The following HTR7 variants were observed in gnomAD, a reference collection of about 807,000 sequenced individuals.
HTR7 encodes the protein 5-hydroxytryptamine receptor 7, also known as 5-HT-7.
In HTR7, 16 loss-of-function variants were observed where a neutral mutation model predicts 34.0. The observed-to-expected ratio is 0.47, with a 90% CI of 0.32 to 0.71. The LOEUF is 0.71. HTR7 is among the 30% of genes least tolerant of loss of function. The pLI, the probability that HTR7 is intolerant of heterozygous loss-of-function variation, is 0.04. For missense variants in HTR7, 504 were observed against 625.5 expected (o/e 0.81, Z 2.07); for synonymous variants, 265 against 260.2 (o/e 1.02, Z -0.18).
chr10:90,842,850 GC>G (rs1846350792), intron 1 of HTR7, among the ~76,000 whole-genome samples: 1 of 152,114 alleles, frequency 6.6e-6, no homozygotes, highest in South Asian at 2.1e-4. Context: ...ATCACTGGCA[GC>G]TTTGCTAATG....
intron 1 of HTR7, among the ~76,000 whole-genome samples, chr10:90,848,849 C>T (rs1463076173): frequency 1.3e-5 from 2 of 152,150 alleles, no homozygotes; most frequent in African/African-American, 2.4e-5. Context: ...ATCAGAATCA[C>T]CTGGGAATTT....
intron 1 of HTR7, among the ~76,000 whole-genome samples, chr10:90,762,858 T>C (rs1844961793): frequency 6.6e-6 from 1 of 152,218 alleles, no homozygotes; most frequent in Non-Finnish European, 1.5e-5. Flanking sequence ...CATGTGGATA[T>C]AGTTTTTTCA....
At chr10:90,780,862 G>A (rs1425062238) in intron 1 of HTR7, among the ~76,000 whole-genome samples, 1 of 152,216 alleles carries the variant, frequency 6.6e-6, no homozygotes, top group African/African-American at 2.4e-5. Flanking sequence ...CTAGTGCCTG[G>A]AATGTTGTGG....
At chr10:90,814,122 G>T (rs996502048) in intron 1 of HTR7, among the ~76,000 whole-genome samples, 1 of 152,130 alleles carries the variant, frequency 6.6e-6, no homozygotes, top group Non-Finnish European at 1.5e-5. Context: ...CAAACCTCAG[G>T]TATTTACTCC....
intron 1 of HTR7, among the ~76,000 whole-genome samples, chr10:90,794,300 A>G (rs1845504238): frequency 6.6e-6 from 1 of 152,172 alleles, no homozygotes; most frequent in Non-Finnish European, 1.5e-5. Flanking sequence ...GCGATAAAAA[A>G]TAGCTCCTTC....
intron 1 of HTR7, among the ~76,000 whole-genome samples, chr10:90,848,449 C>T (rs746990513): frequency 1.1e-4 from 17 of 152,062 alleles, no homozygotes; most frequent in Non-Finnish European, 1.8e-4. Flanking sequence ...ATATTTTTGT[C>T]TATTTAAAAT....
intron 1 of HTR7, among the ~76,000 whole-genome samples, chr10:90,759,104 T>C (rs1226453855): frequency 1.3e-5 from 2 of 150,058 alleles, no homozygotes; most frequent in African/African-American, 2.5e-5. Context: ...GGAGAATTGC[T>C]TGAACCCGGG....
At chr10:90,847,008 G>A (rs553820535) in intron 1 of HTR7, among the ~76,000 whole-genome samples, 137 of 152,298 alleles carry the variant, frequency 9.0e-4, no homozygotes, top group Non-Finnish European at 1.5e-3. Context: ...CCTGGCATCT[G>A]CTGCTCCTTT....
intron 1 of HTR7, among the ~76,000 whole-genome samples, chr10:90,827,361 C>A (rs1229915579): frequency 1.3e-5 from 2 of 152,080 alleles, no homozygotes; most frequent in African/African-American, 4.8e-5. Context: ...GCCTGGGCAA[C>A]AAAGTGAGAC....
chr10:90,821,112 TCACA>T (rs901115489), intron 1 of HTR7, among the ~76,000 whole-genome samples: 5 of 135,104 alleles, frequency 3.7e-5, no homozygotes, highest in Admixed American at 1.5e-4. Flanking sequence ...ATCTACACAC[TCACA>T]CAAACACACA....
chr10:90,828,855 C>A (rs568134810), intron 1 of HTR7, among the ~76,000 whole-genome samples: 5 of 151,456 alleles, frequency 3.3e-5, no homozygotes, highest in African/African-American at 4.9e-5. Flanking sequence ...GATGCCAACA[C>A]CAGATGAAAA....
At chr10:90,760,996 T>C (rs112960838) in intron 1 of HTR7, among the ~76,000 whole-genome samples, 144 of 152,348 alleles carry the variant, frequency 9.5e-4, no homozygotes, top group African/African-American at 3.3e-3. Flanking sequence ...AGTTTATTTT[T>C]CTTGTTTTAA....
chr10:90,789,524 T>C (rs1336949175), intron 1 of HTR7, among the ~76,000 whole-genome samples: 1 of 151,954 alleles, frequency 6.6e-6, no homozygotes, highest in Non-Finnish European at 1.5e-5. Flanking sequence ...ATGTTCTTTA[T>C]AAATCCAAGT....
chr10:90,791,950 GA>G (rs1250312315), intron 1 of HTR7, among the ~76,000 whole-genome samples: 2 of 152,032 alleles, frequency 1.3e-5, no homozygotes, highest in Non-Finnish European at 2.9e-5. Context: ...AAGACATCAG[GA>G]AATTAAAGAG....
intron 1 of HTR7, among the ~76,000 whole-genome samples, chr10:90,831,507 G>A (rs189365845): frequency 1.0e-3 from 156 of 152,286 alleles, no homozygotes; most frequent in Non-Finnish European, 1.7e-3. Context: ...CAAAAAGTGG[G>A]CAGTAGCAAG....
At chr10:90,799,572 C>T (rs185515944) in intron 1 of HTR7, among the ~76,000 whole-genome samples, 124 of 152,182 alleles carry the variant, frequency 8.1e-4, no homozygotes, top group East Asian at 2.9e-3. Flanking sequence ...TAGGACTCCC[C>T]GCAAATCATC....
intron 1 of HTR7, among the ~76,000 whole-genome samples, chr10:90,825,558 G>T (rs764061677): frequency 3.9e-5 from 6 of 152,168 alleles, no homozygotes; most frequent in Admixed American, 3.3e-4. Flanking sequence ...TGACCTTTCA[G>T]ACAGAGAATT....
intron 2 of HTR7, 99 bp from the exon 3 acceptor site, chr10:90,743,789 T>C: frequency 1.1e-6 from 1 of 933,418 alleles, no homozygotes; most frequent in South Asian, 1.4e-5. Flanking sequence ...TTTGGTTTTA[T>C]ATTACCAATC....
chr10:90,851,377 C>T (rs12246586), intron 1 of HTR7, among the ~76,000 whole-genome samples: 3,244 of 151,930 alleles, frequency 0.021, 108 homozygotes, highest in African/African-American at 0.075. Flanking sequence ...GAGGCCAAGG[C>T]GGGCGGATCA....
Sources: allele counts gnomAD v4.1 joint callset (sites outside exome capture counted in the v4.1 genomes callset), GRCh38; gene constraint gnomAD v4.1.1; transcripts MANE v1.5; gene names NCBI Gene and HGNC (gene_info 2026-07-23, HGNC 2026-07-21).